CSMD1: variants seen among roughly 807,000 people sequenced by gnomAD.
CSMD1 encodes CUB and sushi domain-containing protein 1.
CSMD1 carries 213 observed loss-of-function variants against 417.5 expected under a neutral mutation model. The observed-to-expected ratio is 0.51, with a 90% confidence interval of 0.46 to 0.57. The LOEUF is 0.57. Among genes scored for constraint, CSMD1 ranks in the 20% least tolerant of loss-of-function variants. The probability of loss-of-function intolerance (pLI) is 0.00; values close to 1 mark genes in which losing one functional copy is unlikely to be tolerated. For missense variants in CSMD1, 6,923 were observed against 4,529.7 expected (o/e 1.53, Z -15.17); for synonymous variants, 2,862 against 1,736.8 (o/e 1.65, Z -16.11).
chr8:3,138,770 A>G (rs369835862), intron 41 of CSMD1, among the ~76,000 whole-genome samples: 1 of 152,192 alleles, frequency 6.6e-6, no homozygotes, highest in South Asian at 2.1e-4. Flanking sequence ...ACAGAGAAAG[A>G]ACCACAGCCT....
At chr8:3,599,982 T>C (rs748231339) in intron 8 of CSMD1, among the ~76,000 whole-genome samples, 3 of 152,192 alleles carry the variant, frequency 2.0e-5, no homozygotes, top group East Asian at 1.9e-4. Flanking sequence ...GGCAAGCTCC[T>C]GGCAGCATCA....
intron 3 of CSMD1, among the ~76,000 whole-genome samples, chr8:4,118,664 C>G (rs12155765): frequency 0.072 from 10,932 of 152,218 alleles, 451 homozygotes; most frequent in African/African-American, 0.091. Flanking sequence ...TTAGTTCAAC[C>G]ATTGTGGAAG....
intron 6 of CSMD1, among the ~76,000 whole-genome samples, chr8:3,729,922 T>TAAAAAAAAAAAAA (rs1160679199): frequency 6.4e-5 from 3 of 47,058 alleles, no homozygotes; most frequent in African/African-American, 4.1e-4. Flanking sequence ...CAATTCAAAG[T>TAAAAAAAAAAAAA]AAAAAAAAAA....
chr8:4,955,542 G>A (rs148568306), intron 1 of CSMD1, among the ~76,000 whole-genome samples: 1,918 of 151,550 alleles, frequency 0.013, 40 homozygotes, highest in African/African-American at 0.044. Context: ...TGCAACCTCC[G>A]CCTCCTGGGT....
intron 11 of CSMD1, among the ~76,000 whole-genome samples, chr8:3,491,042 C>T (rs1159308063): frequency 6.6e-6 from 1 of 152,088 alleles, no homozygotes; most frequent in Non-Finnish European, 1.5e-5. Flanking sequence ...CCAAATTCCT[C>T]AATGGAAATG....
intron 26 of CSMD1, among the ~76,000 whole-genome samples, chr8:3,274,580 A>C (rs1362174318): frequency 1.3e-5 from 2 of 151,912 alleles, no homozygotes; most frequent in Admixed American, 6.6e-5. Flanking sequence ...TTTGTAGGTC[A>C]CTCAGGACTT....
At chr8:4,967,743 A>G (rs537796430) in intron 1 of CSMD1, among the ~76,000 whole-genome samples, 12 of 152,296 alleles carry the variant, frequency 7.9e-5, no homozygotes, top group Non-Finnish European at 1.5e-4. Flanking sequence ...TAGTTCATCA[A>G]TAATGAACTT....
intron 3 of CSMD1, among the ~76,000 whole-genome samples, chr8:4,312,770 A>C (rs559171903): frequency 6.6e-6 from 1 of 152,212 alleles, no homozygotes; most frequent in African/African-American, 2.4e-5. Flanking sequence ...GCTACTCCGG[A>C]GGCTGAAGCA....
chr8:4,846,612 C>A (rs1354546785), intron 1 of CSMD1, among the ~76,000 whole-genome samples: 1 of 152,196 alleles, frequency 6.6e-6, no homozygotes, highest in Non-Finnish European at 1.5e-5. Context: ...TTGGTGACTA[C>A]TCCAGCAATT....
At position 4,617,768 on chromosome 8, in the gene CSMD1, T is replaced by G. The variant is rs540060443; in HGVS notation, c.302+19574A>C. Among the ~76,000 whole-genome samples the G allele has an allele frequency of 3.9e-5, 6 of 152,170 alleles. No individual in the cohort carries two copies. In the South Asian group the frequency reaches 1.2e-3, roughly 32 times the overall value. ...TTTCCTATTTGGCATTCCTCATTATTAGAAAGTGAGTTATTTGCTTGCTCA... is the reference window on the plus strand; with the variant it reads ...TTTCCTATTTGGCATTCCTCATTATGAGAAAGTGAGTTATTTGCTTGCTCA... On this transcript the variant is annotated intron_variant, in intron 2 of 69. Transcript: ENST00000635120.
At chr8:4,958,434 A>G (rs571589299) in intron 1 of CSMD1, among the ~76,000 whole-genome samples, 2 of 152,322 alleles carry the variant, frequency 1.3e-5, no homozygotes, top group East Asian at 3.9e-4. Context: ...ATAAAGGTAG[A>G]TGAAGGTTAA....
chr8:3,320,213 G>A lies in CSMD1; in HGVS notation c.3632-11710C>T, dbSNP rs762880819. 2.6e-5 allele frequency among the ~76,000 whole-genome samples: 4 copies of A among 152,268 alleles called. No homozygotes were observed. The East Asian group carries it at 5.8e-4, about 22-fold the overall frequency. On this transcript the variant is annotated intron_variant, in intron 23 of 69. Transcript: ENST00000635120. Reference sequence around the variant, plus strand: ...AGAGTCCAACTAAGCAGTGGGGCCCGTGGCCCTGGCACTAGTTTGGAGAGG... The same window carrying A: ...AGAGTCCAACTAAGCAGTGGGGCCCATGGCCCTGGCACTAGTTTGGAGAGG...
chr8:4,641,635 G>A (rs574671843), intron 1 of CSMD1, among the ~76,000 whole-genome samples: 1 of 152,232 alleles, frequency 6.6e-6, no homozygotes, highest in East Asian at 1.9e-4. Context: ...GCCTAGAGCC[G>A]TCCCACCAAA....
chr8:4,942,198 C>A (rs1808050825), intron 1 of CSMD1, among the ~76,000 whole-genome samples: 1 of 152,114 alleles, frequency 6.6e-6, no homozygotes, highest in South Asian at 2.1e-4. Flanking sequence ...TCCTTCCCCC[C>A]AACACACAGA....
chr8:3,806,504 G>C (rs1182720802), intron 5 of CSMD1, among the ~76,000 whole-genome samples: 3 of 152,106 alleles, frequency 2.0e-5, no homozygotes, highest in African/African-American at 2.4e-5. Flanking sequence ...CCAACACAGA[G>C]CCACGGTGCT....
chr8:3,001,248 G>A (rs577119568), intron 52 of CSMD1, among the ~76,000 whole-genome samples: 1 of 151,938 alleles, frequency 6.6e-6, no homozygotes, highest in Admixed American at 6.6e-5. Flanking sequence ...CTCCTGCCTT[G>A]GCCTCCCAAA....
intron 5 of CSMD1, among the ~76,000 whole-genome samples, chr8:3,781,667 C>T (rs979981596): frequency 1.3e-5 from 2 of 152,172 alleles, no homozygotes; most frequent in Admixed American, 6.5e-5. Context: ...ATGGCAGGTG[C>T]CTAGGTTTCC....
chr8:4,472,001 G>C (rs1014476085), intron 2 of CSMD1, among the ~76,000 whole-genome samples: 4 of 152,070 alleles, frequency 2.6e-5, no homozygotes, highest in African/African-American at 7.2e-5. Context: ...CTAACCCTAA[G>C]AATCAACATT....
chr8:3,937,309 G>C (rs1417231225), intron 5 of CSMD1, among the ~76,000 whole-genome samples: 1 of 152,138 alleles, frequency 6.6e-6, no homozygotes, highest in Non-Finnish European at 1.5e-5. Flanking sequence ...TAGGTATAAT[G>C]CTTCTTAACC....
Sources: gnomAD v4.1 joint callset for allele counts (sites outside exome capture counted in the v4.1 genomes callset) on GRCh38, gnomAD v4.1.1 for gene constraint, MANE v1.5 for transcripts, NCBI Gene and HGNC (gene_info 2026-07-23, HGNC 2026-07-21) for gene names.